Variants in CLIC6 observed in about 807,000 individuals in gnomAD.
The protein encoded by CLIC6 is chloride intracellular channel protein 6.
A neutral mutation model predicts 49.2 loss-of-function variants in CLIC6; 39 were observed. The ratio of observed to expected loss-of-function variants is 0.79; its 90% CI spans 0.61 to 1.04. The LOEUF (loss-of-function observed/expected upper bound fraction) is 1.04, where lower values mean the gene tolerates loss of function less well. CLIC6 is among the 50% of genes least tolerant of loss of function. The pLI is 0.00. For missense variants in CLIC6, 988 were observed against 993.1 expected, an observed-to-expected ratio of 0.99 and a Z score of 0.07; for synonymous variants, 446 against 433.4, an observed-to-expected ratio of 1.03 and a Z score of -0.36.
Position 34,708,818 on chromosome 21 carries a change from C to A in CLIC6, c.1717+12C>A. 6.4e-7 allele frequency: 1 copy of A among 1,573,786 alleles called. No individual in the cohort carries two copies. On this transcript the variant is annotated intron_variant, in intron 4 of 5. Transcript: ENST00000349499. ...GGATGCAAATGAGAGTGAGTACCTC[C>A]CATCCTCCTGTTTTGTTTCAACACA...
chr21:34,706,767 G>A (rs1037522822), intron 1 of CLIC6, among the ~76,000 whole-genome samples: 10 of 152,078 alleles, frequency 6.6e-5, no homozygotes, highest in Admixed American at 2.0e-4. Flanking sequence ...CTTTTCCATT[G>A]TGGTGTAGTA....
intron 1 of CLIC6, among the ~76,000 whole-genome samples, chr21:34,673,468 T>C (rs985817136): frequency 7.2e-6 from 1 of 139,386 alleles, no homozygotes; most frequent in Non-Finnish European, 1.6e-5. Flanking sequence ...TGTTTTGTGT[T>C]TTTGGTAGAA....
chr21:34,687,504 A>C (rs117731158), intron 1 of CLIC6, among the ~76,000 whole-genome samples: 1,648 of 152,356 alleles, frequency 0.011, 18 homozygotes, highest in Middle Eastern at 0.024. Flanking sequence ...CATAATTCAT[A>C]TATAAGAATA....
intron 1 of CLIC6, among the ~76,000 whole-genome samples, chr21:34,682,890 C>A (rs1341557904): frequency 3.0e-5 from 4 of 131,400 alleles, no homozygotes; most frequent in African/African-American, 1.1e-4. Context: ...CGGCTCACTG[C>A]AAGCTCTGCC....
At position 34,688,362 on chromosome 21, in the gene CLIC6, A is replaced by G. The variant is rs563695422; in HGVS notation, c.1374+17600A>G. Among the ~76,000 whole-genome samples the G allele has an allele frequency of 3.3e-5, 5 of 151,980 alleles. No individual in the cohort carries two copies. The South Asian group carries it at 1.0e-3, about 32-fold the overall frequency. On this transcript the variant is annotated intron_variant, in intron 1 of 5. Coordinates refer to ENST00000349499, the MANE Select transcript of CLIC6 (RefSeq NM_053277.3). ...TCCTCGCTGTCTATTTTTTCTCCCC[A>G]CTAGAGCGCAGGCGAGGGAAGACAA...
chr21:34,699,048 T>C (rs1227301154), intron 1 of CLIC6, among the ~76,000 whole-genome samples: 1 of 152,226 alleles, frequency 6.6e-6, no homozygotes, highest in Admixed American at 6.5e-5. Flanking sequence ...GAGCGCACTT[T>C]ATTCTTTGAA....
intron 1 of CLIC6, among the ~76,000 whole-genome samples, chr21:34,706,336 G>C (rs752215146): frequency 1.2e-4 from 18 of 152,134 alleles, no homozygotes; most frequent in Non-Finnish European, 1.0e-4. Flanking sequence ...AGCAGCAAGG[G>C]GATGGTTCTA....
chr21:34,716,453 T>C lies in CLIC6; in HGVS notation c.2032T>C (p.Tyr678His). The C allele has an allele frequency of 1.2e-6, 2 of 1,611,910 alleles. No individual in the cohort carries two copies. Among genetic ancestry groups the C allele is most frequent in the South Asian group, 2.2e-5 (2 of 90,386 alleles). ...AGCTGATCAAGAGATTGAACACGCATATTCAGATGTTGCAAAAAGAATGAA... is the reference window on the plus strand; with the variant it reads ...AGCTGATCAAGAGATTGAACACGCACATTCAGATGTTGCAAAAAGAATGAA... ...CPADQEIEHAYSDVAKRMK is the reference protein window; with the variant it reads ...CPADQEIEHAHSDVAKRMK The change falls in exon 6 of 6, where the codon TAT (tyrosine) becomes CAT (histidine). Residue 678 changes from tyrosine to histidine, a missense_variant. Tyr to His is a moderately conservative substitution (Grantham distance 83). Coordinates refer to ENST00000349499, the MANE Select transcript of CLIC6 (RefSeq NM_053277.3).
chr21:34,670,197 T>G lies in CLIC6; in HGVS notation c.809T>G (p.Val270Gly). ...GCGGGGGTCCCGGCGGGGGACAGCGTAGAAGCCGAAGGCCCGGCGGGGGAC... is the reference window on the plus strand; with the variant it reads ...GCGGGGGTCCCGGCGGGGGACAGCGGAGAAGCCGAAGGCCCGGCGGGGGAC... ...VEAGVPAGDS[V>G]EAEGPAGDSM... Residue 270 changes from valine (V) to glycine (G), a missense_variant, in exon 1 of 6, where the codon GTA becomes GGA. By Grantham distance (109) the Val-to-Gly change is moderately radical. Transcript: ENST00000349499. The G allele has an allele frequency of 7.2e-7, 1 of 1,385,810 alleles. No homozygotes were observed. The highest frequency in any genetic ancestry group is 9.3e-7 in the Non-Finnish European group (1 of 1,076,162). The allele number at this position is 1,385,810 out of a possible 1,614,324, so 85.8% of individuals were successfully genotyped here. A position where few individuals can be genotyped will look rare whatever the true frequency, so the allele number is the denominator to read the frequency against.
intron 1 of CLIC6, among the ~76,000 whole-genome samples, chr21:34,682,183 T>G (rs2145801641): frequency 6.6e-6 from 1 of 152,342 alleles, no homozygotes; most frequent in Non-Finnish European, 1.5e-5. Context: ...GAAATGGCAT[T>G]GCTACGGGAA....
At chr21:34,688,625 A>G (rs1035701543) in intron 1 of CLIC6, among the ~76,000 whole-genome samples, 1 of 152,142 alleles carries the variant, frequency 6.6e-6, no homozygotes, top group African/African-American at 2.4e-5. Flanking sequence ...GAGGGTCTCT[A>G]GTTTGCTAAT....
chr21:34,669,860 G>A lies in CLIC6; in HGVS notation c.472G>A (p.Asp158Asn). ...PEGSASGEAGDSVDAEGPLGD... is the reference protein window; with the variant it reads ...PEGSASGEAGNSVDAEGPLGD... ...AGGTAGCGCGTCCGGGGAGGCGGGG[G>A]ACAGCGTAGACGCGGAGGGCCCGCT... Residue 158 changes from aspartate (D) to asparagine (N), a missense_variant, in exon 1 of 6, where the codon GAC becomes AAC. Asp to Asn is a conservative substitution (Grantham distance 23). Transcript: ENST00000349499. 2 of 1,408,276 alleles carry A rather than the reference G, an allele frequency of 1.4e-6. No homozygotes were observed. The highest frequency in any genetic ancestry group is 1.8e-6 in the Non-Finnish European group (2 of 1,090,144). 87.2% of individuals were successfully genotyped at this position (1,408,276 alleles called of 1,614,324 possible).
intron 5 of CLIC6, 90 bp from the exon 6 acceptor site, chr21:34,716,231 T>C: frequency 9.3e-7 from 1 of 1,070,586 alleles, no homozygotes; most frequent in Non-Finnish European, 1.4e-6. Context: ...GGAAAGAATG[T>C]ATTGCATGCC....
At chr21:34,703,990 A>C (rs1445769248) in intron 1 of CLIC6, among the ~76,000 whole-genome samples, 2 of 152,210 alleles carry the variant, frequency 1.3e-5, no homozygotes, top group Non-Finnish European at 1.5e-5. Flanking sequence ...CAAACTGCTT[A>C]CTTTGATTTG....
At chr21:34,707,452 C>CACACACACACAG (rs1163499848) in intron 2 of CLIC6, 63 bp downstream of exon 2, 5 of 931,256 alleles carry the variant, frequency 5.4e-6, no homozygotes, top group Non-Finnish European at 8.6e-6. Flanking sequence ...CACACACACA[C>CACACACACACAG]ACACACACAC....
chr21:34,710,116 T>A (rs867019546), intron 5 of CLIC6, among the ~76,000 whole-genome samples: 1,635 of 144,210 alleles, frequency 0.011, 27 homozygotes, highest in African/African-American at 0.039. Context: ...ATACAAAAAA[T>A]AAAAAAAAAA....
chr21:34,707,469 A>C (rs1409771877), intron 2 of CLIC6, 80 bp downstream of exon 2: 2 of 877,850 alleles, frequency 2.3e-6, no homozygotes, highest in East Asian at 2.5e-5. Context: ...ACACACACAC[A>C]CCTGAGGCCA....
At chr21:34,679,902 C>G (rs1182424195) in intron 1 of CLIC6, among the ~76,000 whole-genome samples, 1 of 152,262 alleles carries the variant, frequency 6.6e-6, no homozygotes, top group African/African-American at 2.4e-5. Context: ...CTTTCACGGA[C>G]TGGTGTTGAG....
rs541333914 is a variant in CLIC6, at chr21:34,670,643, G to A, written c.1255G>A (p.Glu419Lys). The A allele has an allele frequency of 2.1e-5, 32 of 1,557,082 alleles. No individual in the cohort carries two copies. In the East Asian group the frequency reaches 6.9e-4, roughly 34 times the overall value. ...PEAQLSNHLAEEGPAEGSGEA... is the reference protein window; with the variant it reads ...PEAQLSNHLAKEGPAEGSGEA... ...GGCCCAGCTCAGCAACCACCTGGCC[G>A]AGGAGGGCCCCGCCGAGGGTAGCGG... Residue 419 changes from glutamate to lysine, a missense_variant, in exon 1 of 6, where the codon GAG becomes AAG. Glu to Lys is a moderately conservative substitution (Grantham distance 56, BLOSUM62 1). Transcript: ENST00000349499.
Sources: gnomAD v4.1 joint callset for allele counts (sites outside exome capture counted in the v4.1 genomes callset) on GRCh38, gnomAD v4.1.1 for gene constraint, MANE v1.5 for transcripts, NCBI Gene and HGNC (gene_info 2026-07-23, HGNC 2026-07-21) for gene names.